RANBP2: variants seen among roughly 807,000 people sequenced by gnomAD.
RANBP2 encodes the protein E3 SUMO-protein ligase RanBP2.
RANBP2 carries 57 observed loss-of-function variants against 303.6 expected under a neutral mutation model. That is an observed-to-expected ratio of 0.19 (90% confidence interval 0.15 to 0.23). RANBP2 has a LOEUF of 0.23. Among genes scored for constraint, RANBP2 ranks in the 10% least tolerant of loss-of-function variants. The pLI, the probability that RANBP2 is intolerant of heterozygous loss-of-function variation, is 1.00. For synonymous variants in RANBP2, 1,167 were observed against 1,301.5 expected, an observed-to-expected ratio of 0.90 and a Z score of 2.23; for missense variants, 3,138 against 3,780.8, an observed-to-expected ratio of 0.83 and a Z score of 4.46.
chr2:109,392,978 G>A, the RANBP2 span, among the ~76,000 whole-genome samples: 3 of 152,166 alleles, frequency 2.0e-5, no homozygotes, highest in Admixed American at 1.3e-4. Flanking sequence ...CCTCTCCACC[G>A]CCCCTGCTTA....
At chr2:109,036,379 A>T in the RANBP2 span, among the ~76,000 whole-genome samples, 2 of 152,238 alleles carry the variant, frequency 1.3e-5, no homozygotes. Context: ...AGGAAAATGC[A>T]GTACAGAAAA....
chr2:109,742,214 G>A, the RANBP2 span, among the ~76,000 whole-genome samples: 729 of 85,786 alleles, frequency 8.5e-3, 17 homozygotes, highest in Middle Eastern at 0.05. Context: ...CTGAGGTCAG[G>A]AATTTGAGAC....
chr2:108,887,055 G>T, the RANBP2 span, among the ~76,000 whole-genome samples: 1 of 151,994 alleles, frequency 6.6e-6, no homozygotes, highest in Admixed American at 6.6e-5. Flanking sequence ...GTTTATTTTT[G>T]TATATGATGA....
chr2:109,586,166 T>C, the RANBP2 span, among the ~76,000 whole-genome samples: 4 of 152,084 alleles, frequency 2.6e-5, no homozygotes, highest in Admixed American at 6.5e-5. Context: ...TTGTTTATGA[T>C]AAAAACTTAG....
the RANBP2 span, chr2:109,398,666 T>A: frequency 6.2e-7 from 1 of 1,607,842 alleles, no homozygotes; most frequent in Non-Finnish European, 8.5e-7. Context: ...AATGCCTCCC[T>A]GCCCTCTGAC....
chr2:109,408,331 A>G, the RANBP2 span, among the ~76,000 whole-genome samples: 1 of 152,160 alleles, frequency 6.6e-6, no homozygotes, highest in Admixed American at 6.5e-5. Flanking sequence ...GTGAAGACCC[A>G]TGATGGCCCT....
the RANBP2 span, among the ~76,000 whole-genome samples, chr2:109,557,825 T>C: frequency 1.3e-5 from 2 of 151,646 alleles, no homozygotes; most frequent in Admixed American, 1.3e-4. Flanking sequence ...TTTTCTAGCA[T>C]AAAAGTAGCT....
At chr2:108,748,834 C>G (rs1675603852) in intron 8 of RANBP2, 86 bp from the exon 9 acceptor site, 1 of 1,610,340 alleles carries the variant, frequency 6.2e-7, no homozygotes, top group Admixed American at 1.7e-5. Flanking sequence ...CATGTTATTT[C>G]CCCTTTGGGT....
chr2:109,174,501 C>T, the RANBP2 span, among the ~76,000 whole-genome samples: 2 of 152,234 alleles, frequency 1.3e-5, no homozygotes, highest in Non-Finnish European at 2.9e-5. Flanking sequence ...CTGCCAGGCC[C>T]AGCCAGGGCA....
At chr2:108,816,497 G>C in the RANBP2 span, among the ~76,000 whole-genome samples, 1 of 152,068 alleles carries the variant, frequency 6.6e-6, no homozygotes, top group Non-Finnish European at 1.5e-5. Context: ...CTCTGATGAG[G>C]CCCTTCTTCC....
the RANBP2 span, among the ~76,000 whole-genome samples, chr2:109,430,424 G>A: frequency 2.0e-5 from 3 of 151,998 alleles, no homozygotes; most frequent in African/African-American, 7.3e-5. Flanking sequence ...CTTTGCCTCA[G>A]CCCAGGCTGT....
chr2:109,192,703 C>T, the RANBP2 span, among the ~76,000 whole-genome samples: 1 of 152,216 alleles, frequency 6.6e-6, no homozygotes, highest in Non-Finnish European at 1.5e-5. Context: ...TTTTCAAGGA[C>T]TTAAATTTTA....
At chr2:109,309,262 G>T in the RANBP2 span, among the ~76,000 whole-genome samples, 1 of 147,208 alleles carries the variant, frequency 6.8e-6, no homozygotes, top group Non-Finnish European at 1.5e-5. Flanking sequence ...TGTGATTTTT[G>T]TACATTGATT....
the RANBP2 span, chr2:109,594,787 T>C: frequency 2.4e-4 from 37 of 152,114 alleles, no homozygotes; most frequent in African/African-American, 8.9e-4. Context: ...AGAGACAAAA[T>C]AGTGTACATC....
chr2:109,052,995 T>C, the RANBP2 span, among the ~76,000 whole-genome samples: 3 of 152,188 alleles, frequency 2.0e-5, no homozygotes, highest in African/African-American at 7.2e-5. Context: ...GGGCGTCCCT[T>C]CCCCTGTTGA....
At chr2:109,051,057 C>T in the RANBP2 span, among the ~76,000 whole-genome samples, 5 of 152,160 alleles carry the variant, frequency 3.3e-5, no homozygotes, top group Non-Finnish European at 5.9e-5. Context: ...GTTTTTATCC[C>T]ATACCATTCT....
chr2:109,229,725 CAT>C, the RANBP2 span, among the ~76,000 whole-genome samples: 1,521 of 152,230 alleles, frequency 1.0e-2, 11 homozygotes, highest in South Asian at 0.024. Flanking sequence ...TAACTGGAAT[CAT>C]AGAATATTTG....
At chr2:109,007,342 G>A in the RANBP2 span, among the ~76,000 whole-genome samples, 3 of 152,338 alleles carry the variant, frequency 2.0e-5, no homozygotes, top group South Asian at 6.2e-4. Flanking sequence ...ACCTCCATCA[G>A]TAGTGTGCTA....
the RANBP2 span, among the ~76,000 whole-genome samples, chr2:109,188,033 T>C: frequency 6.6e-6 from 1 of 152,090 alleles, no homozygotes; most frequent in Non-Finnish European, 1.5e-5. Context: ...TTGGGTGGAG[T>C]CTGCACCGGC....
Sources: gnomAD v4.1 joint callset for allele counts (sites outside exome capture counted in the v4.1 genomes callset) on GRCh38, gnomAD v4.1.1 for gene constraint, MANE v1.5 for transcripts, NCBI Gene and HGNC (gene_info 2026-07-23, HGNC 2026-07-21) for gene names.